Variants in COA1 observed in about 807,000 individuals in gnomAD.
COA1 encodes the protein cytochrome c oxidase assembly factor 1, also known as cytochrome c oxidase assembly factor 1 homolog.
Under a neutral mutation model 16.0 loss-of-function variants are expected in COA1, and 13 were observed. The observed-to-expected ratio is 0.81, with a 90% CI of 0.53 to 1.29. The LOEUF is 1.29. Among genes scored for constraint, COA1 ranks in the 50% most tolerant of loss-of-function variants. The pLI is 0.00. For missense variants in COA1, 179 were observed against 177.0 expected (o/e 1.01, Z -0.06); for synonymous variants, 65 against 65.7 (o/e 0.99, Z 0.05).
At chr7:43,719,049 G>A (rs1037362423) in intron 1 of COA1, among the ~76,000 whole-genome samples, 17 of 150,230 alleles carry the variant, frequency 1.1e-4, no homozygotes, top group African/African-American at 2.9e-4. Context: ...TCAGCTCACC[G>A]CAAGCTCCAC....
intron 1 of COA1, among the ~76,000 whole-genome samples, chr7:43,664,103 A>AAGAGAGAGATAGAGAGAGAGAGAGAGAG (rs2092699000): frequency 7.4e-6 from 1 of 135,144 alleles, no homozygotes; most frequent in Non-Finnish European, 1.5e-5. Flanking sequence ...TGTCTTTAGA[A>AAGAGAGAGATAGAGAGAGAGAGAGAGAG]AGAGAGAGAG....
chr7:43,647,618 C>G lies in COA1; in HGVS notation c.32G>C (p.Arg11Pro). ...GATCCTTGCTCCCAGAGGCATTGAC[C>G]GCCTGCTTCCTGCATACTTAAAAAC... The part of the protein sequence containing the change: MMWQKYAGSR[R>P]SMPLGARILF... The change falls in exon 3 of 6, where the codon CGG becomes CCG. Residue 11 changes from arginine to proline, a missense_variant. Coordinates refer to ENST00000223336, the MANE Select transcript of COA1 (RefSeq NM_018224.4). 6.2e-7 allele frequency: 1 copy of G among 1,612,534 alleles called. No homozygotes were observed. The highest frequency in any genetic ancestry group is 1.7e-5 in the Admixed American group (1 of 59,798).
rs2083722241 is a variant in COA1 at position 43,620,109 on chromosome 7, AGAAGT to A, written c.*134-10619_*134-10615del. Among the ~76,000 whole-genome samples, 3 of 152,322 alleles carry A rather than the reference AGAAGT, an allele frequency of 2.0e-5. No homozygotes were observed. In the South Asian group the frequency reaches 6.2e-4, roughly 32 times the overall value. The stretch of plus-strand genomic sequence containing the variant: ...GGAATTGCCAAGTCTGAGGCTCCAT[AGAAGT>A]GTGGAGCAGAGAGGGCATTTGGTTG... On this transcript the variant is annotated intron_variant and NMD_transcript_variant, in intron 6 of 6. Coordinates refer to the COA1 transcript ENST00000415076.
intron 1 of COA1, among the ~76,000 whole-genome samples, chr7:43,662,187 C>G (rs764975467): frequency 2.1e-3 from 323 of 152,316 alleles, no homozygotes; most frequent in Non-Finnish European, 2.9e-3. Context: ...CATGCTCCTC[C>G]CTTTTCCAAC....
At chr7:43,689,245 G>C (rs1254193820) in intron 1 of COA1, among the ~76,000 whole-genome samples, 1 of 152,222 alleles carries the variant, frequency 6.6e-6, no homozygotes, top group Non-Finnish European at 1.5e-5. Context: ...ATGTGAGTGG[G>C]AAGCACCATG....
In COA1 at chr7:43,699,253, T is replaced by C. The variant is rs140354865; in HGVS notation, c.-39+30176A>G. On this transcript the variant is annotated intron_variant, in intron 1 of 5. Coordinates refer to ENST00000223336, the MANE Select transcript of COA1 (RefSeq NM_018224.4). ...CATATACCCCTCAGTTAGTGAATTT[T>C]ACAGAGAGCACAGCAACAAGAAGTA... Among the ~76,000 whole-genome samples the C allele has an allele frequency of 3.4e-3, 524 of 152,238 alleles. 1 individual carries two copies. The highest frequency in any genetic ancestry group is 0.012 in the African/African-American group (496 of 41,552).
chr7:43,644,789 G>GAGAGAGA lies in COA1; in HGVS notation c.264+461_264+462insTCTCTCT, dbSNP rs1442537142. 2.0e-3 allele frequency among the ~76,000 whole-genome samples: 211 copies of GAGAGAGA among 104,414 alleles called. 4 individuals are homozygous for GAGAGAGA. Among genetic ancestry groups the GAGAGAGA allele is most frequent in the East Asian group, 5.1e-3 (20 of 3,940 alleles). The allele number at this position is 104,414 out of a possible 152,430, so 68.5% of individuals were successfully genotyped here. Reference sequence around the variant, plus strand: ...AGGCAGGCAGGCAGGCAGGCAGGCAGGCAGAGAGACAGAGAGAGAGAGAGA... The same window carrying GAGAGAGA: ...AGGCAGGCAGGCAGGCAGGCAGGCAGAGAGAGAGCAGAGAGACAGAGAGAGAGAGAGA... On this transcript the variant is annotated intron_variant, in intron 4 of 5. Transcript: ENST00000223336.
chr7:43,686,541 G>A (rs927877247), intron 1 of COA1, among the ~76,000 whole-genome samples: 7 of 151,996 alleles, frequency 4.6e-5, no homozygotes, highest in Admixed American at 1.3e-4. Flanking sequence ...TGATCCGCCC[G>A]CCTCGGCCTC....
chr7:43,628,490 T>C (rs2084842593), intron 6 of COA1, among the ~76,000 whole-genome samples: 1 of 152,232 alleles, frequency 6.6e-6, no homozygotes, highest in South Asian at 2.1e-4. Flanking sequence ...TGCTAGGTCT[T>C]ATGGTAGCTG....
At position 43,680,159 on chromosome 7, in the gene COA1, C is replaced by G. The variant is rs533610870; in HGVS notation, c.-38-31507G>C. On this transcript the variant is annotated intron_variant, in intron 1 of 5. Transcript: ENST00000223336. Reference sequence around the variant, plus strand: ...GTCAAATTGGTTGCCTGAAACTACCCTTGATAAGGATATTTATACTATGGA... The same window carrying G: ...GTCAAATTGGTTGCCTGAAACTACCGTTGATAAGGATATTTATACTATGGA... Among the ~76,000 whole-genome samples the G allele has an allele frequency of 3.3e-5, 5 of 151,994 alleles. No homozygotes were observed. In the South Asian group the frequency reaches 1.0e-3, roughly 32 times the overall value.
At chr7:43,681,591 T>C (rs2093770970) in intron 1 of COA1, among the ~76,000 whole-genome samples, 1 of 152,200 alleles carries the variant, frequency 6.6e-6, no homozygotes, top group South Asian at 2.1e-4. Context: ...TGGCAGGGTA[T>C]TGTAGACTGC....
At position 43,715,621 on chromosome 7, in the gene COA1, G is replaced by A. The variant is rs528487319; in HGVS notation, c.-39+13808C>T. On this transcript the variant is annotated intron_variant, in intron 1 of 5. Transcript: ENST00000223336. Reference sequence around the variant, plus strand: ...TTAGATCAAGTTCTCATTTCATGTTGAAGTATCCCACAAAAACACTATATC... The same window carrying A: ...TTAGATCAAGTTCTCATTTCATGTTAAAGTATCCCACAAAAACACTATATC... Among the ~76,000 whole-genome samples, 3 of 152,036 alleles carry A rather than the reference G, an allele frequency of 2.0e-5. No individual in the cohort carries two copies. In the South Asian group the frequency reaches 6.2e-4, roughly 32 times the overall value.
intron 1 of COA1, among the ~76,000 whole-genome samples, chr7:43,701,025 G>A (rs1391464228): frequency 6.8e-6 from 1 of 146,864 alleles, no homozygotes; most frequent in Non-Finnish European, 1.5e-5. Context: ...AAAACTTACA[G>A]CAATATATTT....
Position 43,721,070 on chromosome 7 carries a change from G to A in COA1, c.-39+8359C>T, listed in dbSNP as rs929282258. 1.6e-4 allele frequency among the ~76,000 whole-genome samples: 24 copies of A among 152,192 alleles called. No individual in the cohort carries two copies. The South Asian group carries it at 1.7e-3, about 10-fold the overall frequency. ...AAAACATCTGAAGTCACACTGATAAGCCTCTATTACTCACAGATTCATCCA... is the reference window on the plus strand; with the variant it reads ...AAAACATCTGAAGTCACACTGATAAACCTCTATTACTCACAGATTCATCCA... On this transcript the variant is annotated intron_variant, in intron 1 of 5. Transcript: ENST00000223336.
In COA1 at chr7:43,624,930, G is replaced by A; in HGVS notation, c.*133+14519C>T. On this transcript the variant is annotated intron_variant and NMD_transcript_variant, in intron 6 of 6. Transcript: ENST00000415076. ...CTCTGGCCAAATGGTACATGTACTGGAAGTGGATAACCAGTATCACTTACA... is the reference window on the plus strand; with the variant it reads ...CTCTGGCCAAATGGTACATGTACTGAAAGTGGATAACCAGTATCACTTACA... 6 of 1,179,842 alleles carry A rather than the reference G, an allele frequency of 5.1e-6. No homozygotes were observed. The South Asian group carries it at 9.5e-5, about 19-fold the overall frequency. The allele number at this position is 1,179,842 out of a possible 1,614,324, so 73.1% of individuals were successfully genotyped here. A position where few individuals can be genotyped will look rare whatever the true frequency, so the allele number is the denominator to read the frequency against.
At chr7:43,691,323 A>AAGAG (rs1480755326) in intron 1 of COA1, among the ~76,000 whole-genome samples, 1 of 102,528 alleles carries the variant, frequency 9.8e-6, no homozygotes, top group Non-Finnish European at 2.1e-5. Flanking sequence ...GAAAGAAAGA[A>AAGAG]AGAAAGAGAA....
chr7:43,692,053 C>G (rs1210255591), intron 1 of COA1, among the ~76,000 whole-genome samples: 1 of 152,148 alleles, frequency 6.6e-6, no homozygotes, highest in Non-Finnish European at 1.5e-5. Flanking sequence ...GCTGTGGCCC[C>G]CAGCTTAGTA....
chr7:43,652,474 G>A (rs75823870), intron 1 of COA1, among the ~76,000 whole-genome samples: 3,411 of 152,198 alleles, frequency 0.022, 110 homozygotes, highest in African/African-American at 0.076. Context: ...AAGAAAGAAA[G>A]GTTCTGAAAC....
In COA1 at chr7:43,676,749, T is replaced by C. The variant is rs372412484; in HGVS notation, c.-38-28097A>G. On this transcript the variant is annotated intron_variant, in intron 1 of 5. Coordinates refer to ENST00000223336, the MANE Select transcript of COA1 (RefSeq NM_018224.4). ...GATCATTACACATTGTACACATGTA[T>C]CAAAATATCACATTGTACCCCATAA... is the stretch of plus-strand genomic sequence containing the variant. Among the ~76,000 whole-genome samples, 10 of 152,172 alleles carry C rather than the reference T, an allele frequency of 6.6e-5. No homozygotes were observed. The East Asian group carries it at 1.9e-3, about 29-fold the overall frequency.
Sources: gnomAD v4.1 joint callset for allele counts (sites outside exome capture counted in the v4.1 genomes callset) on GRCh38, gnomAD v4.1.1 for gene constraint, MANE v1.5 for transcripts, NCBI Gene and HGNC (gene_info 2026-07-23, HGNC 2026-07-21) for gene names.